The following SLC35F1 variants were observed in gnomAD, a reference collection of about 807,000 sequenced individuals.
SLC35F1 encodes chromosome 6 open reading frame 169.
In SLC35F1, 14 loss-of-function variants were observed where a neutral mutation model predicts 48.7. The observed-to-expected ratio is 0.29, with a 90% CI of 0.19 to 0.45. The LOEUF is 0.45. SLC35F1 is among the 20% of genes least tolerant of loss of function. The pLI is 1.00. For missense variants in SLC35F1, 404 were observed against 500.0 expected (o/e 0.81, Z 1.83); for synonymous variants, 190 against 202.2 (o/e 0.94, Z 0.51).
At chr6:118,308,177 G>T (rs780908659) in intron 7 of SLC35F1, among the ~76,000 whole-genome samples, 2 of 152,174 alleles carry the variant, frequency 1.3e-5, no homozygotes, top group Non-Finnish European at 2.9e-5. Context: ...CTGGTACCCA[G>T]GACTGCCAAA....
chr6:118,217,666 T>TA (rs557253215), intron 2 of SLC35F1, among the ~76,000 whole-genome samples: 13 of 152,152 alleles, frequency 8.5e-5, no homozygotes, highest in Non-Finnish European at 1.9e-4. Context: ...CAATAATCAT[T>TA]AAAAAAATTA....
At chr6:118,269,879 A>G (rs1455056404) in intron 4 of SLC35F1, among the ~76,000 whole-genome samples, 1 of 152,080 alleles carries the variant, frequency 6.6e-6, no homozygotes, top group African/African-American at 2.4e-5. Context: ...CTACAGAAAA[A>G]ATTAGCCAGC....
rs932695275 is a variant in SLC35F1, at chr6:118,232,549, A to C, written c.350-2960A>C. On this transcript the variant is annotated intron_variant, in intron 2 of 7. Transcript: ENST00000360388. Reference sequence around the variant, plus strand: ...GGTGACAAGAGTGAAACTCCATCCCAAAAAAAAAAAAAAAAAAAAGGTGTT... The same window carrying C: ...GGTGACAAGAGTGAAACTCCATCCCCAAAAAAAAAAAAAAAAAAAGGTGTT... Among the ~76,000 whole-genome samples, 111 of 99,652 alleles carry C rather than the reference A, an allele frequency of 1.1e-3. 2 individuals carry two copies. The South Asian group carries it at 0.026, about 23-fold the overall frequency. 65.4% of individuals were successfully genotyped at this position (99,652 alleles called of 152,430 possible).
At chr6:118,141,125 C>T (rs1773883177) in intron 1 of SLC35F1, among the ~76,000 whole-genome samples, 3 of 152,306 alleles carry the variant, frequency 2.0e-5, no homozygotes, top group South Asian at 2.1e-4. Flanking sequence ...TCACTCACCA[C>T]TCACTCACTG....
intron 6 of SLC35F1, 122 bp downstream of exon 6, chr6:118,277,668 A>T: frequency 1.2e-6 from 1 of 809,686 alleles, no homozygotes; most frequent in Non-Finnish European, 2.1e-6. Context: ...ACAAGGGAAA[A>T]TGAAATCCCT....
intron 1 of SLC35F1, among the ~76,000 whole-genome samples, chr6:118,060,311 C>G (rs1562277722): frequency 1.3e-5 from 2 of 152,054 alleles, no homozygotes. Flanking sequence ...ACATAGTATA[C>G]ATGTAGCTAG....
At chr6:118,036,136 A>G (rs966492404) in intron 1 of SLC35F1, among the ~76,000 whole-genome samples, 5 of 151,996 alleles carry the variant, frequency 3.3e-5, no homozygotes, top group Non-Finnish European at 5.9e-5. Flanking sequence ...ACTTCAGGTT[A>G]TTGGGGTTTT....
At chr6:117,908,184 C>T (rs902461741) in intron 1 of SLC35F1, among the ~76,000 whole-genome samples, 1 of 152,190 alleles carries the variant, frequency 6.6e-6, no homozygotes, top group African/African-American at 2.4e-5. Context: ...TGTGTCCGCA[C>T]TCACACCCTC....
rs191013504 is a variant in SLC35F1, at chr6:118,236,612, T to C, written c.477+976T>C. Reference sequence around the variant, plus strand: ...GTTTTCCTACCATCTGATTTTCATATGAACTTCAAAGATAGCTTGAAATGA... The same window carrying C: ...GTTTTCCTACCATCTGATTTTCATACGAACTTCAAAGATAGCTTGAAATGA... On this transcript the variant is annotated intron_variant, in intron 3 of 7. Transcript: ENST00000360388. Among the ~76,000 whole-genome samples, 5 of 152,350 alleles carry C rather than the reference T, an allele frequency of 3.3e-5. No individual in the cohort carries two copies. In the East Asian group the frequency reaches 9.6e-4, roughly 29 times the overall value.
chr6:118,140,654 A>G (rs1459959715), intron 1 of SLC35F1, among the ~76,000 whole-genome samples: 1 of 151,252 alleles, frequency 6.6e-6, no homozygotes, highest in Non-Finnish European at 1.5e-5. Flanking sequence ...GTCCTTCAGG[A>G]GATATCCCAG....
At chr6:118,066,991 G>C (rs1772625612) in intron 1 of SLC35F1, among the ~76,000 whole-genome samples, 1 of 151,974 alleles carries the variant, frequency 6.6e-6, no homozygotes, top group African/African-American at 2.4e-5. Flanking sequence ...AGGTGATTTT[G>C]GTCCACTGTT....
chr6:118,190,009 A>C (rs2114521353), intron 2 of SLC35F1, among the ~76,000 whole-genome samples: 1 of 152,302 alleles, frequency 6.6e-6, no homozygotes, highest in South Asian at 2.1e-4. Context: ...CTACTTGTTA[A>C]ATTAGGTTGC....
At chr6:118,067,070 A>T (rs1346240041) in intron 1 of SLC35F1, among the ~76,000 whole-genome samples, 1 of 152,230 alleles carries the variant, frequency 6.6e-6, no homozygotes, top group Non-Finnish European at 1.5e-5. Flanking sequence ...GCTCTAAAGC[A>T]GTAAAGTTCA....
intron 6 of SLC35F1, among the ~76,000 whole-genome samples, chr6:118,280,233 A>G (rs1775965488): frequency 6.6e-6 from 1 of 152,186 alleles, no homozygotes; most frequent in Admixed American, 6.5e-5. Flanking sequence ...CCTTCTGGGG[A>G]GCAGGAATGT....
intron 1 of SLC35F1, among the ~76,000 whole-genome samples, chr6:118,143,005 C>T (rs1030277593): frequency 5.9e-5 from 9 of 152,100 alleles, no homozygotes; most frequent in African/African-American, 2.2e-4. Flanking sequence ...TTGATTATCT[C>T]AGTTGATTAT....
chr6:118,182,893 T>C (rs1774603416), intron 2 of SLC35F1, among the ~76,000 whole-genome samples: 2 of 152,182 alleles, frequency 1.3e-5, no homozygotes, highest in South Asian at 2.1e-4. Flanking sequence ...AACACCTTGA[T>C]GGTATGTTTT....
At chr6:118,300,357 C>T (rs1371312805) in intron 7 of SLC35F1, among the ~76,000 whole-genome samples, 4 of 152,102 alleles carry the variant, frequency 2.6e-5, no homozygotes, top group Non-Finnish European at 5.9e-5. Flanking sequence ...ATTTTGGTAT[C>T]CAAGGAAGAT....
At chr6:118,063,084 G>A (rs1345348356) in intron 1 of SLC35F1, among the ~76,000 whole-genome samples, 1 of 152,096 alleles carries the variant, frequency 6.6e-6, no homozygotes, top group African/African-American at 2.4e-5. Flanking sequence ...GAAAGTTATT[G>A]TCTATAATCA....
intron 7 of SLC35F1, among the ~76,000 whole-genome samples, chr6:118,311,206 AT>A (rs1206019280): frequency 6.6e-6 from 1 of 152,214 alleles, no homozygotes; most frequent in Non-Finnish European, 1.5e-5. Context: ...TTTGGAGTCA[AT>A]GATTGTAGAT....
Sources: gnomAD v4.1 joint callset for allele counts (sites outside exome capture counted in the v4.1 genomes callset) on GRCh38, gnomAD v4.1.1 for gene constraint, MANE v1.5 for transcripts, NCBI Gene and HGNC (gene_info 2026-07-23, HGNC 2026-07-21) for gene names.